GNAI2: variants seen among roughly 807,000 people sequenced by gnomAD.
GNAI2 encodes guanine nucleotide-binding protein G(i) subunit alpha-2.
A neutral mutation model predicts 36.8 loss-of-function variants in GNAI2; 4 were observed. The ratio of observed to expected loss-of-function variants is 0.11; its 90% CI spans 0.05 to 0.25. GNAI2 has a LOEUF of 0.25. GNAI2 is among the 10% of genes least tolerant of loss of function. The probability of loss-of-function intolerance (pLI) is 1.00; values close to 1 mark genes in which losing one functional copy is unlikely to be tolerated. For missense variants in GNAI2, 230 were observed against 481.3 expected (o/e 0.48, Z 4.89); for synonymous variants, 194 against 194.1 (o/e 1.00, Z 0.01).
At chr3:50,250,574 G>C (rs1272144152) in intron 1 of GNAI2, among the ~76,000 whole-genome samples, 1 of 152,192 alleles carries the variant, frequency 6.6e-6, no homozygotes, top group Non-Finnish European at 1.5e-5. Context: ...GGAGCACAGG[G>C]TCTGGGAAGG....
intron 1 of GNAI2, among the ~76,000 whole-genome samples, chr3:50,246,346 G>A (rs1700423992): frequency 6.6e-6 from 1 of 152,226 alleles, no homozygotes; most frequent in South Asian, 2.1e-4. Flanking sequence ...CTTCCACAGT[G>A]TCTCCGGCTG....
rs781862772 is a variant in GNAI2 at position 50,255,067 on chromosome 3, T to C, written c.465-1125T>C. Among the ~76,000 whole-genome samples the C allele has an allele frequency of 1.4e-4, 21 of 152,178 alleles. No individual in the cohort carries two copies. The highest frequency in any genetic ancestry group is 5.9e-4 in the Admixed American group (9 of 15,282). On this transcript the variant is annotated intron_variant, in intron 4 of 8. Coordinates refer to ENST00000313601, the MANE Select transcript of GNAI2 (RefSeq NM_002070.4). The surrounding 1 kb of genome is among the most constrained non-coding windows in gnomAD (Gnocchi z 4.0). ...GGCATGGTATGCGGGTCACAGCACATGCGTCATCCTTCCCCATGGCCCTTC... is the reference window on the plus strand; with the variant it reads ...GGCATGGTATGCGGGTCACAGCACACGCGTCATCCTTCCCCATGGCCCTTC...
intron 1 of GNAI2, among the ~76,000 whole-genome samples, chr3:50,250,277 T>C (rs189803466): frequency 6.6e-6 from 1 of 152,288 alleles, no homozygotes; most frequent in African/African-American, 2.4e-5. Flanking sequence ...TTACTGCTTG[T>C]GTTCGTTTGT....
At chr3:50,234,356 CTT>C (rs1402222902), upstream of GNAI2, among the ~76,000 whole-genome samples, 22 of 134,226 alleles carry the variant, frequency 1.6e-4, no homozygotes, top group Admixed American at 1.5e-4. Flanking sequence ...CGTGCCCGGT[CTT>C]TTTTTTTTTT....
chr3:50,240,779 T>C (rs1685712152), intron 1 of GNAI2, among the ~76,000 whole-genome samples: 1 of 151,242 alleles, frequency 6.6e-6, no homozygotes, highest in Non-Finnish European at 1.5e-5. Context: ...ATTAGCCAGG[T>C]ATGGTGGTAT....
chr3:50,254,293 G>A (rs2109214670), intron 4 of GNAI2, among the ~76,000 whole-genome samples: 1 of 152,260 alleles, frequency 6.6e-6, no homozygotes, highest in East Asian at 1.9e-4. Context: ...GCTTTGGATG[G>A]TGTCACCAGA....
intron 5 of GNAI2, 29 bp downstream of exon 5, chr3:50,256,349 G>T (rs781839068): frequency 1.2e-6 from 2 of 1,608,680 alleles, no homozygotes; most frequent in African/African-American, 1.3e-5. Flanking sequence ...AGGTGGGAGG[G>T]GCAGGACCTG....
chr3:50,227,800 C>T (rs994485736), upstream of GNAI2, among the ~76,000 whole-genome samples: 1 of 152,154 alleles, frequency 6.6e-6, no homozygotes, highest in Non-Finnish European at 1.5e-5. This position sits in a 1 kb window ranked among gnomAD's most constrained non-coding sequence, Gnocchi z 5.9. Flanking sequence ...AAGGTTGCAC[C>T]CTGCGCAGCT....
rs1296276296 is a variant in GNAI2 at position 50,255,565 on chromosome 3, A to G, written c.465-627A>G. Among the ~76,000 whole-genome samples the G allele has an allele frequency of 6.6e-6, 1 of 152,152 alleles. No homozygotes were observed. Among genetic ancestry groups the G allele is most frequent in the Non-Finnish European group, 1.5e-5 (1 of 68,026 alleles). On this transcript the variant is annotated intron_variant, in intron 4 of 8. Transcript: ENST00000313601. The surrounding 1 kb of genome is among the most constrained non-coding windows in gnomAD (Gnocchi z 4.0). Reference sequence around the variant, plus strand: ...TTGCCTCCTCCCACCCTCTTTGCCTATAGCTCCAACATCCTGGATCCTGTC... The same window carrying G: ...TTGCCTCCTCCCACCCTCTTTGCCTGTAGCTCCAACATCCTGGATCCTGTC...
chr3:50,237,184 G>A (rs1159910908), intron 1 of GNAI2, among the ~76,000 whole-genome samples: 1 of 152,218 alleles, frequency 6.6e-6, no homozygotes, highest in Non-Finnish European at 1.5e-5. Context: ...AGTGGGCTGG[G>A]CTAGGAGGCG....
At chr3:50,257,848 G>A (rs1490574174) in intron 8 of GNAI2, 134 bp downstream of exon 8, 1 of 572,250 alleles carries the variant, frequency 1.7e-6, no homozygotes, top group Non-Finnish European at 3.1e-6. Flanking sequence ...GGACAAGGGA[G>A]GAGAAGGCCC....
At chr3:50,251,274 C>T (rs1700551111) in intron 1 of GNAI2, 2 of 705,798 alleles carry the variant, frequency 2.8e-6, no homozygotes, top group South Asian at 6.2e-5. Context: ...TTCTGAGCCT[C>T]AATGTCCTCA....
chr3:50,243,078 G>C (rs1283034482), intron 1 of GNAI2, among the ~76,000 whole-genome samples: 1 of 152,138 alleles, frequency 6.6e-6, no homozygotes, highest in East Asian at 1.9e-4. Flanking sequence ...GTGGGGGTGA[G>C]AGCCCAAGGG....
At chr3:50,246,819 A>G (rs1700435279) in intron 1 of GNAI2, 15 of 1,034,548 alleles carry the variant, frequency 1.4e-5, no homozygotes, top group Non-Finnish European at 2.0e-5. Context: ...GGCAGGAAGG[A>G]GGCCCCAGCT....
Position 50,253,935 on chromosome 3 carries a change from A to G in GNAI2, c.464+751A>G, listed in dbSNP as rs1221599772. On this transcript the variant is annotated intron_variant, in intron 4 of 8. Transcript: ENST00000313601. This position sits in a 1 kb window ranked among gnomAD's most constrained non-coding sequence, Gnocchi z 4.2. ...AGGGGATTCCAGGCAGGGGCATAGC[A>G]TGTGCAGCATCTCGGGGTGGTGGGG... Among the ~76,000 whole-genome samples the G allele has an allele frequency of 1.3e-5, 2 of 152,000 alleles. No homozygotes were observed. The highest frequency in any genetic ancestry group is 4.8e-5 in the African/African-American group (2 of 41,390).
intron 4 of GNAI2, 66 bp from the exon 5 acceptor site, chr3:50,256,126 G>A: frequency 2.5e-6 from 2 of 813,766 alleles, no homozygotes; most frequent in South Asian, 1.4e-5. Flanking sequence ...TCTTGCAGCT[G>A]GCCCAGGGTC....
rs1700163187 is a variant in GNAI2, at chr3:50,236,236, C to A, written c.-100C>A. On this transcript the variant is annotated 5_prime_UTR_variant, in exon 1 of 9. Transcript: ENST00000313601. The surrounding 1 kb of genome is among the most constrained non-coding windows in gnomAD (Gnocchi z 4.0). Reference sequence around the variant, plus strand: ...CGGAACTGCCGACCCGAGTGCTTCCCGCAGAGGGCTGGTGGTGGGAGCGGA... The same window carrying A: ...CGGAACTGCCGACCCGAGTGCTTCCAGCAGAGGGCTGGTGGTGGGAGCGGA... 3 of 1,194,452 alleles carry A rather than the reference C, an allele frequency of 2.5e-6. No individual in the cohort carries two copies. The highest frequency in any genetic ancestry group is 3.2e-5 in the African/African-American group (2 of 62,526). 74.0% of individuals were successfully genotyped at this position (1,194,452 alleles called of 1,614,324 possible). A position where few individuals can be genotyped will look rare whatever the true frequency, so the allele number is the denominator to read the frequency against.
intron 1 of GNAI2, among the ~76,000 whole-genome samples, chr3:50,250,840 G>A (rs1241585284): frequency 1.4e-5 from 2 of 146,228 alleles, no homozygotes; most frequent in East Asian, 2.0e-4. Flanking sequence ...ACCAAGTTTC[G>A]CTCTTGTTGC....
chr3:50,255,012 C>A lies in GNAI2; in HGVS notation c.465-1180C>A, dbSNP rs1252474729. On this transcript the variant is annotated intron_variant, in intron 4 of 8. Transcript: ENST00000313601. The surrounding 1 kb of genome is among the most constrained non-coding windows in gnomAD (Gnocchi z 4.0). ...GGTGTGGAATGCACCATGGTACCTC[C>A]ACATTGAGGACTCTGGCAGTAGGGG... is the stretch of plus-strand genomic sequence containing the variant. Among the ~76,000 whole-genome samples the A allele has an allele frequency of 6.6e-6, 1 of 152,220 alleles. No individual in the cohort carries two copies. Among genetic ancestry groups the A allele is most frequent in the Non-Finnish European group, 1.5e-5 (1 of 68,042 alleles).
Sources: allele counts gnomAD v4.1 joint callset (sites outside exome capture counted in the v4.1 genomes callset), GRCh38; gene constraint gnomAD v4.1.1; non-coding constraint Gnocchi (gnomAD v3.1); transcripts MANE v1.5; gene names NCBI Gene and HGNC (gene_info 2026-07-23, HGNC 2026-07-21).